Variants in MYO18B observed in about 807,000 individuals in gnomAD.
MYO18B encodes unconventional myosin-XVIIIb.
MYO18B carries 204 observed loss-of-function variants against 273.0 expected under a neutral mutation model. The observed-to-expected ratio is 0.75, with a 90% CI of 0.67 to 0.84. The LOEUF is 0.84. Ranked by LOEUF, MYO18B falls within the 40% of genes least tolerant of loss-of-function variation. MYO18B has a pLI of 0.00. For synonymous variants in MYO18B, 1,330 were observed against 1,305.7 expected (o/e 1.02, Z -0.40); for missense variants, 3,212 against 3,287.6 (o/e 0.98, Z 0.56).
At chr22:25,923,681 G>A (rs2092380988) in intron 34 of MYO18B, among the ~76,000 whole-genome samples, 2 of 152,160 alleles carry the variant, frequency 1.3e-5, no homozygotes, top group African/African-American at 4.8e-5. Flanking sequence ...TTGCTTCTAG[G>A]TAGGCAGAGT....
At chr22:25,845,995 C>T (rs79718096) in intron 18 of MYO18B, 105 bp from the exon 19 acceptor site, 10 of 1,037,728 alleles carry the variant, frequency 9.6e-6, no homozygotes, top group Admixed American at 3.4e-5. Context: ...TTTAGGAAGC[C>T]GAGGAGCAGG....
chr22:25,844,729 G>T (rs1053033306), intron 18 of MYO18B, among the ~76,000 whole-genome samples: 1 of 152,202 alleles, frequency 6.6e-6, no homozygotes, highest in African/African-American at 2.4e-5. Flanking sequence ...CATTATGTCA[G>T]AGCTGATTGG....
intron 26 of MYO18B, among the ~76,000 whole-genome samples, chr22:25,891,083 C>T (rs947529039): frequency 1.3e-5 from 2 of 151,950 alleles, no homozygotes; most frequent in African/African-American, 2.4e-5. Flanking sequence ...GCTAGAGAGG[C>T]GAATAGGAGA....
At position 25,898,438 on chromosome 22, in the gene MYO18B, T is replaced by C. The variant is rs780082182; in HGVS notation, c.4800T>C (p.His1600=). Residue 1600 remains histidine (H), a synonymous_variant, in exon 29 of 44, where the codon CAT becomes CAC. Transcript: ENST00000335473. The part of the protein sequence containing the change: ...VLLENQQSRN[H]ELEKKQKKFD... ...TAGAGAACCAACAAAGTCGAAACCA[T>C]GAGCTGGAGAAGAAGCAGAAGAAGT... is the stretch of plus-strand genomic sequence containing the variant. The C allele has an allele frequency of 5.1e-5, 83 of 1,613,616 alleles. No homozygotes were observed.
At chr22:25,963,930 T>G (rs973421057) in intron 39 of MYO18B, 1 of 152,234 alleles carries the variant, frequency 6.6e-6, no homozygotes, top group Non-Finnish European at 1.5e-5. Context: ...CTTTATCATA[T>G]TCTACCAGCT....
rs940476109 is a variant in MYO18B at position 26,028,950 on chromosome 22, T to C, written c.*12+1260T>C. ...GGCTTACATTTATTGAGAGGACACA[T>C]CAGACAGTCATTTAGTACTCCTGAT... On this transcript the variant is annotated intron_variant, in intron 43 of 43. Transcript: ENST00000335473. 4.0e-5 allele frequency among the ~76,000 whole-genome samples: 6 copies of C among 149,946 alleles called. No individual in the cohort carries two copies. The South Asian group carries it at 1.3e-3, about 32-fold the overall frequency.
chr22:25,957,134 C>G (rs1408876114), intron 39 of MYO18B, among the ~76,000 whole-genome samples: 1 of 152,220 alleles, frequency 6.6e-6, no homozygotes, highest in Non-Finnish European at 1.5e-5. Flanking sequence ...CCTGCAAGCT[C>G]TGGCTGGGAG....
chr22:25,975,754 G>A (rs1272470926), intron 39 of MYO18B, among the ~76,000 whole-genome samples: 2 of 152,176 alleles, frequency 1.3e-5, no homozygotes, highest in Non-Finnish European at 2.9e-5. Flanking sequence ...TCAGCAGATC[G>A]GGGGCAGGGC....
chr22:25,778,959 A>G (rs968509530), intron 8 of MYO18B, among the ~76,000 whole-genome samples: 2 of 152,048 alleles, frequency 1.3e-5, no homozygotes, highest in African/African-American at 4.8e-5. Context: ...TGGCTGTAGA[A>G]CTCTAACCAT....
At chr22:25,853,062 G>A (rs2090468743) in intron 21 of MYO18B, among the ~76,000 whole-genome samples, 1 of 152,212 alleles carries the variant, frequency 6.6e-6, no homozygotes, top group Admixed American at 6.5e-5. Context: ...ACATGTAATA[G>A]TATAGTTCAT....
chr22:25,769,362 G>C lies in MYO18B; in HGVS notation c.1446G>C (p.Lys482Asn). The stretch of plus-strand genomic sequence containing the variant: ...ATGCAGAAAGGCCTCGGATACGGAA[G>C]GAGAACCAAGACGGGCCAGCCCCGC... ...EKDAERPRIR[K>N]ENQDGPAPQE... The change falls in exon 4 of 44, where the codon AAG becomes AAC. Residue 482 changes from lysine to asparagine, a missense_variant. By Grantham distance (94) the Lys-to-Asn change is moderately conservative (BLOSUM62 0). Transcript: ENST00000335473. The C allele has an allele frequency of 6.3e-7, 1 of 1,576,016 alleles. No individual in the cohort carries two copies. The highest frequency in any genetic ancestry group is 1.2e-5 in the South Asian group (1 of 85,602).
intron 12 of MYO18B, among the ~76,000 whole-genome samples, chr22:25,822,829 G>A (rs2089333823): frequency 6.6e-6 from 1 of 152,228 alleles, no homozygotes; most frequent in Non-Finnish European, 1.5e-5. Flanking sequence ...CGTGACTGGG[G>A]GGACTACATG....
At chr22:25,914,821 C>T (rs962200285) in intron 33 of MYO18B, among the ~76,000 whole-genome samples, 10 of 150,164 alleles carry the variant, frequency 6.7e-5, no homozygotes, top group Admixed American at 1.3e-4. Flanking sequence ...CTCAGCCTCC[C>T]GAGTAACTGG....
chr22:25,872,509 G>A (rs111369675), intron 22 of MYO18B, among the ~76,000 whole-genome samples: 3,733 of 152,282 alleles, frequency 0.025, 68 homozygotes, highest in African/African-American at 0.046. Context: ...AGCTGTTTGA[G>A]TATTAAAAAG....
At chr22:26,019,273 G>A (rs1216148129) in intron 42 of MYO18B, among the ~76,000 whole-genome samples, 1 of 152,192 alleles carries the variant, frequency 6.6e-6, no homozygotes, top group Non-Finnish European at 1.5e-5. Flanking sequence ...AAAATGGGAC[G>A]ATAAAGGGCA....
intron 42 of MYO18B, among the ~76,000 whole-genome samples, chr22:26,020,560 T>C (rs1935723365): frequency 6.6e-6 from 1 of 152,244 alleles, no homozygotes; most frequent in South Asian, 2.1e-4. Flanking sequence ...TTAAAATTTA[T>C]GTTATACTGT....
In MYO18B at chr22:25,917,462, T is replaced by C. The variant is rs757725937; in HGVS notation, c.5365-3795T>C. Among the ~76,000 whole-genome samples the C allele has an allele frequency of 2.0e-4, 30 of 152,140 alleles. 1 individual carries two copies. Among genetic ancestry groups the C allele is most frequent in the Non-Finnish European group, 4.1e-4 (28 of 68,010 alleles). On this transcript the variant is annotated intron_variant, in intron 33 of 43. Transcript: ENST00000335473. ...GTGTCTTTCTTTCTCCATGAATAAG[T>C]TTTGCCTTATTTTATTTCGCTTGAT...
rs756666412 is a variant in MYO18B, at chr22:25,828,899, C to T, written c.2910C>T (p.Tyr970=). 1.0e-4 allele frequency: 162 copies of T among 1,613,918 alleles called. No individual in the cohort carries two copies. The East Asian group carries it at 1.4e-3, about 14-fold the overall frequency. ...CCTTTGAGGAGCTGTGCCACAACTACGCCCATGAGCGCCTGCAGCTGCTGT... is the reference window on the plus strand; with the variant it reads ...CCTTTGAGGAGCTGTGCCACAACTATGCCCATGAGCGCCTGCAGCTGCTGT... ...AATFEELCHN[Y]AHERLQLLFY... Residue 970 remains tyrosine, a synonymous_variant, in exon 15 of 44, where the codon TAC becomes TAT. Coordinates refer to ENST00000335473, the MANE Select transcript of MYO18B (RefSeq NM_032608.7).
At chr22:25,846,872 G>A (rs1050041024) in intron 19 of MYO18B, among the ~76,000 whole-genome samples, 1 of 152,160 alleles carries the variant, frequency 6.6e-6, no homozygotes, top group Non-Finnish European at 1.5e-5. Flanking sequence ...ACGAGGTCAC[G>A]AGTTCGAGAC....
Sources: gnomAD v4.1 joint callset for allele counts (sites outside exome capture counted in the v4.1 genomes callset) on GRCh38, gnomAD v4.1.1 for gene constraint, MANE v1.5 for transcripts, NCBI Gene and HGNC (gene_info 2026-07-23, HGNC 2026-07-21) for gene names.